MECOM: variants seen among roughly 807,000 people sequenced by gnomAD.
The protein encoded by MECOM is MDS1 and EVI1 complex locus, also known as histone-lysine N-methyltransferase MECOM.
In MECOM, 13 loss-of-function variants were observed where a neutral mutation model predicts 116.3. The ratio of observed to expected loss-of-function variants is 0.11; its 90% CI spans 0.07 to 0.18. MECOM has a LOEUF of 0.18. Ranked by LOEUF, MECOM falls within the 10% of genes least tolerant of loss-of-function variation. The pLI is 1.00. For missense variants in MECOM, 1,299 were observed against 1,509.0 expected, an observed-to-expected ratio of 0.86 and a Z score of 2.31; for synonymous variants, 528 against 535.2, an observed-to-expected ratio of 0.99 and a Z score of 0.19.
intron 1 of MECOM, among the ~76,000 whole-genome samples, chr3:169,467,544 T>C (rs1166286474): frequency 1.3e-5 from 2 of 152,128 alleles, no homozygotes; most frequent in Non-Finnish European, 2.9e-5. Flanking sequence ...CTACTTTAAG[T>C]GTGTTTTTAT....
intron 1 of MECOM, among the ~76,000 whole-genome samples, chr3:169,443,341 T>G (rs1232076908): frequency 6.6e-6 from 1 of 152,088 alleles, no homozygotes; most frequent in Non-Finnish European, 1.5e-5. Context: ...TTGTGGTGTT[T>G]AAGGCGCTGC....
chr3:169,492,700 G>A (rs943617012), intron 1 of MECOM, among the ~76,000 whole-genome samples: 6 of 152,032 alleles, frequency 3.9e-5, no homozygotes, highest in Admixed American at 6.6e-5. Context: ...GGTGTCTCAC[G>A]CCTCTAATCC....
chr3:169,652,560 T>C (rs1449009628), intron 1 of MECOM, among the ~76,000 whole-genome samples: 4 of 152,182 alleles, frequency 2.6e-5, no homozygotes, highest in Non-Finnish European at 5.9e-5. Context: ...ACAGTCCTAT[T>C]TTCTCTATAG....
chr3:169,221,158 T>C (rs1752083039), intron 2 of MECOM, among the ~76,000 whole-genome samples: 1 of 152,236 alleles, frequency 6.6e-6, no homozygotes, highest in African/African-American at 2.4e-5. Context: ...TATCTTGCAG[T>C]GTTGCAAAGA....
chr3:169,217,454 A>G (rs1373804872), intron 2 of MECOM, among the ~76,000 whole-genome samples: 1 of 152,186 alleles, frequency 6.6e-6, no homozygotes, highest in Non-Finnish European at 1.5e-5. Flanking sequence ...ATGCACAATT[A>G]ACATAACCTC....
intron 1 of MECOM, among the ~76,000 whole-genome samples, chr3:169,487,605 G>A (rs991011661): frequency 6.6e-6 from 1 of 151,720 alleles, no homozygotes; most frequent in African/African-American, 2.4e-5. Context: ...AAAACAAGTA[G>A]AAGAAAAAGA....
chr3:169,397,390 C>T (rs924531132), intron 1 of MECOM, among the ~76,000 whole-genome samples: 10 of 152,154 alleles, frequency 6.6e-5, no homozygotes, highest in Middle Eastern at 3.2e-3. Context: ...TAATGATAGA[C>T]GATGAAAACC....
intron 1 of MECOM, among the ~76,000 whole-genome samples, chr3:169,458,917 T>C (rs1365445271): frequency 6.6e-6 from 1 of 152,178 alleles, no homozygotes; most frequent in African/African-American, 2.4e-5. Context: ...TTTAATATGA[T>C]GAATCATGGT....
intron 1 of MECOM, among the ~76,000 whole-genome samples, chr3:169,593,024 C>A (rs963096136): frequency 6.6e-6 from 1 of 152,140 alleles, no homozygotes; most frequent in African/African-American, 2.4e-5. Context: ...TGTTTGTTTA[C>A]TGATTGTTTA....
intron 2 of MECOM, among the ~76,000 whole-genome samples, chr3:169,341,664 T>C (rs199685133): frequency 2.0e-5 from 3 of 147,412 alleles, no homozygotes; most frequent in East Asian, 4.1e-4. Context: ...CGCTTGAACC[T>C]GGGAGGCGGA....
chr3:169,576,838 C>CACACACACACAG (rs368016499), intron 1 of MECOM, among the ~76,000 whole-genome samples: 2 of 125,012 alleles, frequency 1.6e-5, no homozygotes, highest in African/African-American at 5.7e-5. Context: ...CACACACACA[C>CACACACACACAG]AGAGAGAGAG....
At chr3:169,351,579 A>G (rs183090607) in intron 2 of MECOM, among the ~76,000 whole-genome samples, 548 of 152,066 alleles carry the variant, frequency 3.6e-3, no homozygotes, top group Non-Finnish European at 6.1e-3. Context: ...AGCAAAAATT[A>G]TAATTACAAA....
intron 1 of MECOM, among the ~76,000 whole-genome samples, chr3:169,485,523 CTT>C (rs1472612709): frequency 6.6e-6 from 1 of 151,968 alleles, no homozygotes. Context: ...AGCTAAGACA[CTT>C]TATCAAATTA....
chr3:169,218,325 T>C (rs1220271930), intron 2 of MECOM, among the ~76,000 whole-genome samples: 1 of 152,210 alleles, frequency 6.6e-6, no homozygotes, highest in Non-Finnish European at 1.5e-5. Context: ...GTTGTTTAAT[T>C]TGCAGTAGAA....
chr3:169,530,966 G>T (rs148203838), intron 1 of MECOM, among the ~76,000 whole-genome samples: 1 of 151,458 alleles, frequency 6.6e-6, no homozygotes. Context: ...GTAGAATTTC[G>T]CCATGACTGA....
At chr3:169,408,030 C>T (rs1328694316) in intron 1 of MECOM, among the ~76,000 whole-genome samples, 2 of 152,144 alleles carry the variant, frequency 1.3e-5, no homozygotes, top group African/African-American at 4.8e-5. Flanking sequence ...GTGTGATTTC[C>T]ATTGCTGCAG....
chr3:169,647,333 G>A (rs1261129958), intron 1 of MECOM, among the ~76,000 whole-genome samples: 8 of 152,154 alleles, frequency 5.3e-5, no homozygotes, highest in Admixed American at 1.3e-4. Flanking sequence ...CTGCAGTGAC[G>A]CATGAACACT....
At chr3:169,530,706 T>C (rs1428813871) in intron 1 of MECOM, among the ~76,000 whole-genome samples, 1 of 152,114 alleles carries the variant, frequency 6.6e-6, no homozygotes, top group Non-Finnish European at 1.5e-5. Context: ...GACTATAGAC[T>C]TGGCAATTGA....
At chr3:169,401,033 G>A (rs550452735) in intron 1 of MECOM, among the ~76,000 whole-genome samples, 2 of 152,226 alleles carry the variant, frequency 1.3e-5, no homozygotes, top group African/African-American at 4.8e-5. Flanking sequence ...CTAATCAAGC[G>A]ACTGCCTGTT....
Sources: gnomAD v4.1 joint callset for allele counts (sites outside exome capture counted in the v4.1 genomes callset) on GRCh38, gnomAD v4.1.1 for gene constraint, MANE v1.5 for transcripts, NCBI Gene and HGNC (gene_info 2026-07-23, HGNC 2026-07-21) for gene names.